FOXP2: variants seen among roughly 807,000 people sequenced by gnomAD.
FOXP2 encodes the protein forkhead box P2, also known as forkhead box protein P2.
A neutral mutation model predicts 115.8 loss-of-function variants in FOXP2; 12 were observed. The ratio of observed to expected loss-of-function variants is 0.10; its 90% CI spans 0.07 to 0.17. The LOEUF is 0.17. FOXP2 is among the 10% of genes least tolerant of loss of function. The pLI, the probability that FOXP2 is intolerant of heterozygous loss-of-function variation, is 1.00. For synonymous variants in FOXP2, 328 were observed against 297.7 expected (o/e 1.10, Z -1.05); for missense variants, 629 against 843.5 (o/e 0.75, Z 3.15).
chr7:114,662,005 G>C (rs1212735188), intron 13 of FOXP2, 60 bp from the exon 14 acceptor site: 2 of 1,594,474 alleles, frequency 1.3e-6, no homozygotes, highest in East Asian at 2.3e-5. Flanking sequence ...GTAGTATGTT[G>C]GGCTGCCTTA....
At chr7:114,498,544 A>C (rs573185331) in intron 2 of FOXP2, among the ~76,000 whole-genome samples, 2 of 152,226 alleles carry the variant, frequency 1.3e-5, no homozygotes, top group East Asian at 3.8e-4. Context: ...GGTCAGATTG[A>C]GGAACAACAC....
In FOXP2 at chr7:114,096,892, A is replaced by G. The variant is rs912307396; in HGVS notation, c.-247+9054A>G. Among the ~76,000 whole-genome samples the G allele has an allele frequency of 2.0e-5, 3 of 152,298 alleles. No homozygotes were observed. In the East Asian group the frequency reaches 5.8e-4, roughly 29 times the overall value. ...AGGATATTTTAAAAATAGAATGTGA[A>G]TGAGTAGTTTTATGTTTACATGTTA... On this transcript the variant is annotated intron_variant, in intron 1 of 19. Transcript: ENST00000635638.
chr7:114,628,941 C>A, intron 4 of FOXP2: 1 of 440,424 alleles, frequency 2.3e-6, no homozygotes, highest in Non-Finnish European at 4.1e-6. Context: ...TTTAAATATT[C>A]AAATGCTTAG....
chr7:114,334,330 G>C (rs1399869410), intron 2 of FOXP2, among the ~76,000 whole-genome samples: 1 of 151,114 alleles, frequency 6.6e-6, no homozygotes, highest in South Asian at 2.1e-4. Context: ...ATATTTGTTT[G>C]GAATAAGTCT....
intron 2 of FOXP2, among the ~76,000 whole-genome samples, chr7:114,529,211 A>G (rs967209540): frequency 6.6e-6 from 1 of 151,826 alleles, no homozygotes; most frequent in African/African-American, 2.4e-5. Context: ...GAAAAAAACA[A>G]AATCTGTCTT....
At chr7:114,256,603 C>A (rs1031537238) in intron 1 of FOXP2, among the ~76,000 whole-genome samples, 2 of 152,102 alleles carry the variant, frequency 1.3e-5, no homozygotes, top group Non-Finnish European at 2.9e-5. Context: ...GATATTAGGC[C>A]ATTTTCAGAT....
At chr7:114,089,669 G>A (rs527401379) in intron 1 of FOXP2, among the ~76,000 whole-genome samples, 1 of 151,710 alleles carries the variant, frequency 6.6e-6, no homozygotes, top group South Asian at 2.1e-4. Flanking sequence ...AAAAAAATAA[G>A]ATAAACCTTT....
At position 114,556,475 on chromosome 7, in the gene FOXP2, C is replaced by A. The variant is rs114559468; in HGVS notation, c.258+21769C>A. ...GTGATCATAATCTGAATTGCTCCCC[C>A]CTAAGGAGTAAAGCATACAGTAAAA... On this transcript the variant is annotated intron_variant, in intron 3 of 16. Transcript: ENST00000350908. Among the ~76,000 whole-genome samples, 1,008 of 152,234 alleles carry A rather than the reference C, an allele frequency of 6.6e-3. 12 individuals carry two copies. Among genetic ancestry groups the A allele is most frequent in the African/African-American group, 0.023 (968 of 41,526 alleles).
At chr7:114,527,969 A>G (rs958959110) in intron 2 of FOXP2, among the ~76,000 whole-genome samples, 1 of 152,090 alleles carries the variant, frequency 6.6e-6, no homozygotes. Flanking sequence ...TTCATCCCTT[A>G]TCTATCCTTT....
At chr7:114,159,579 G>A (rs1792773895), upstream of FOXP2, among the ~76,000 whole-genome samples, 1 of 152,098 alleles carries the variant, frequency 6.6e-6, no homozygotes, top group African/African-American at 2.4e-5. Flanking sequence ...GGATGAATGT[G>A]TAAAATTACC....
chr7:114,182,117 A>T (rs993034508), intron 1 of FOXP2, among the ~76,000 whole-genome samples: 2 of 152,040 alleles, frequency 1.3e-5, no homozygotes, highest in African/African-American at 4.8e-5. Context: ...ATATTTTCTT[A>T]GTGTCTCTTG....
intron 16 of FOXP2, among the ~76,000 whole-genome samples, chr7:114,688,123 T>A (rs1453376890): frequency 1.3e-5 from 2 of 150,588 alleles, no homozygotes; most frequent in African/African-American, 4.9e-5. Flanking sequence ...TTTTTTTTTT[T>A]AATGTGCTTG....
At chr7:114,610,957 A>G (rs933233224) in intron 3 of FOXP2, among the ~76,000 whole-genome samples, 4 of 152,098 alleles carry the variant, frequency 2.6e-5, no homozygotes, top group African/African-American at 4.8e-5. Flanking sequence ...TTTCATTCTT[A>G]TACTATTATC....
At chr7:114,095,780 T>A (rs1165128179) in intron 1 of FOXP2, among the ~76,000 whole-genome samples, 1 of 152,206 alleles carries the variant, frequency 6.6e-6, no homozygotes, top group African/African-American at 2.4e-5. Context: ...ATAAACTTCG[T>A]CTTTTTAAAA....
intron 2 of FOXP2, among the ~76,000 whole-genome samples, chr7:114,301,687 T>G (rs1796882924): frequency 6.6e-6 from 1 of 152,164 alleles, no homozygotes; most frequent in Non-Finnish European, 1.5e-5. Flanking sequence ...TGATCTCTTT[T>G]AAGTATAATA....
chr7:114,533,442 G>C (rs1026745074), intron 2 of FOXP2, among the ~76,000 whole-genome samples: 1 of 151,858 alleles, frequency 6.6e-6, no homozygotes, highest in East Asian at 1.9e-4. Context: ...GCAGTGTAAT[G>C]CCATATGCAC....
chr7:114,600,181 T>C lies in FOXP2; in HGVS notation c.259-28359T>C, dbSNP rs376448526. 8.5e-5 allele frequency among the ~76,000 whole-genome samples: 13 copies of C among 152,312 alleles called. No homozygotes were observed. The East Asian group carries it at 2.1e-3, about 25-fold the overall frequency. On this transcript the variant is annotated intron_variant, in intron 3 of 16. Coordinates refer to ENST00000350908, the MANE Select transcript of FOXP2 (RefSeq NM_014491.4). Reference sequence around the variant, plus strand: ...CCCTGTATTCCACCTTATTGTTCCATCTCTTCTGCTCAACCTTAGGAAACC... The same window carrying C: ...CCCTGTATTCCACCTTATTGTTCCACCTCTTCTGCTCAACCTTAGGAAACC...
chr7:114,643,695 A>G (rs1007696790), intron 7 of FOXP2, among the ~76,000 whole-genome samples: 9 of 152,116 alleles, frequency 5.9e-5, no homozygotes, highest in Non-Finnish European at 1.3e-4. Flanking sequence ...CTTTAAAGTA[A>G]TTTGCATATA....
chr7:114,228,327 G>A (rs181786425), intron 1 of FOXP2, among the ~76,000 whole-genome samples: 124 of 152,086 alleles, frequency 8.2e-4, no homozygotes, highest in African/African-American at 2.9e-3. Flanking sequence ...GTATTACTCC[G>A]TGGATTGAGA....
Sources: allele counts gnomAD v4.1 joint callset (sites outside exome capture counted in the v4.1 genomes callset), GRCh38; gene constraint gnomAD v4.1.1; transcripts MANE v1.5; gene names NCBI Gene and HGNC (gene_info 2026-07-23, HGNC 2026-07-21).